PCDHGB2: variants seen among roughly 807,000 people sequenced by gnomAD.
PCDHGB2 encodes the protein protocadherin gamma-B2.
Under a neutral mutation model 59.3 loss-of-function variants are expected in PCDHGB2, and 55 were observed. The ratio of observed to expected loss-of-function variants is 0.93; its 90% CI spans 0.75 to 1.16. PCDHGB2 has a LOEUF of 1.16. PCDHGB2 is among the 50% of genes most tolerant of loss of function. The pLI is 0.00. For missense variants in PCDHGB2, 1,228 were observed against 1,198.5 expected (o/e 1.02, Z -0.36); for synonymous variants, 516 against 512.0 (o/e 1.01, Z -0.11).
intron 1 of PCDHGB2, among the ~76,000 whole-genome samples, chr5:141,462,538 C>G (rs565849689): frequency 1.3e-5 from 2 of 152,102 alleles, no homozygotes; most frequent in South Asian, 2.1e-4. Context: ...GTTCAGTGAT[C>G]TTTTCTTCTT....
chr5:141,493,052 T>G lies in PCDHGB2; in HGVS notation c.2422-1755T>G, dbSNP rs1362566525. 6.6e-6 allele frequency among the ~76,000 whole-genome samples: 1 copy of G among 152,104 alleles called. No individual in the cohort carries two copies. The highest frequency in any genetic ancestry group is 2.4e-5 in the African/African-American group (1 of 41,416). Reference sequence around the variant, plus strand: ...CTTATGTGTGAGGAAACTACAATAGTAAAAAACACAAGTTTCTCCAACTCC... The same window carrying G: ...CTTATGTGTGAGGAAACTACAATAGGAAAAAACACAAGTTTCTCCAACTCC... On this transcript the variant is annotated intron_variant, in intron 1 of 3. Coordinates refer to ENST00000522605, the MANE Select transcript of PCDHGB2 (RefSeq NM_018923.3). This position sits in a 1 kb window ranked among gnomAD's most constrained non-coding sequence, Gnocchi z 4.3.
intron 1 of PCDHGB2, chr5:141,382,864 C>G (rs775003646): frequency 1.3e-6 from 2 of 1,516,562 alleles, no homozygotes; most frequent in Non-Finnish European, 8.8e-7. Context: ...AAGCACTTCC[C>G]GAGATCGGCG....
intron 1 of PCDHGB2, among the ~76,000 whole-genome samples, chr5:141,449,103 A>G (rs1033077737): frequency 2.0e-5 from 3 of 152,206 alleles, no homozygotes; most frequent in African/African-American, 7.2e-5. Context: ...CATATGCAGT[A>G]TATCTTTGGG....
At chr5:141,372,515 G>A (rs1768826871) in intron 1 of PCDHGB2, 2 of 1,614,050 alleles carry the variant, frequency 1.2e-6, no homozygotes, top group Admixed American at 1.7e-5. Context: ...TCCTCGCGGT[G>A]ATTCTGGCAA....
intron 1 of PCDHGB2, among the ~76,000 whole-genome samples, chr5:141,406,686 T>G (rs918855962): frequency 1.3e-5 from 2 of 152,244 alleles, no homozygotes; most frequent in African/African-American, 4.8e-5. Flanking sequence ...TAGGACATTC[T>G]TCTTTTCTAT....
At chr5:141,459,606 T>G (rs1430790771) in intron 1 of PCDHGB2, among the ~76,000 whole-genome samples, 1 of 152,250 alleles carries the variant, frequency 6.6e-6, no homozygotes, top group Non-Finnish European at 1.5e-5. Context: ...GGGAAGTATA[T>G]GCTTAACTTT....
At chr5:141,473,236 A>G (rs1314160781) in intron 1 of PCDHGB2, among the ~76,000 whole-genome samples, 1 of 152,200 alleles carries the variant, frequency 6.6e-6, no homozygotes, top group Non-Finnish European at 1.5e-5. Flanking sequence ...GGATCCACAC[A>G]AGTGAATACA....
Position 141,511,015 on chromosome 5 carries a change from C to A in PCDHGB2, c.2638C>A (p.Pro880Thr). Residue 880 changes from proline (P) to threonine (T), a missense_variant, in exon 4 of 4, where the codon CCC becomes ACC. This residue lies in a region of PCDHGB2 where 433 missense variants were observed against 441.8 expected (regional missense o/e 0.98). Coordinates refer to ENST00000522605, the MANE Select transcript of PCDHGB2 (RefSeq NM_018923.3). ...GTMGLSARYG[P>T]QFTLQHVPDY... ...CATGGGATTGAGCGCCCGCTACGGA[C>A]CCCAGTTCACCCTGCAGCACGTGCC... 6.2e-7 allele frequency: 1 copy of A among 1,614,224 alleles called. No individual in the cohort carries two copies. The highest frequency in any genetic ancestry group is 8.5e-7 in the Non-Finnish European group (1 of 1,180,038).
In PCDHGB2 at chr5:141,483,413, G is replaced by A. The variant is rs112015754; in HGVS notation, c.2422-11394G>A. 5.9e-4 allele frequency among the ~76,000 whole-genome samples: 90 copies of A among 152,300 alleles called. 1 individual carries two copies. Among genetic ancestry groups the A allele is most frequent in the African/African-American group, 1.7e-3 (69 of 41,584 alleles). ...AAATGCTTGAACCAGCACAGTGGCA[G>A]TACAGATGGAGGGAGCTGACTACAA... On this transcript the variant is annotated intron_variant, in intron 1 of 3. Transcript: ENST00000522605.
intron 1 of PCDHGB2, chr5:141,479,478 G>T (rs760475025): frequency 2.6e-5 from 4 of 152,408 alleles, no homozygotes; most frequent in African/African-American, 9.6e-5. Context: ...TCTTGGGAGG[G>T]CAGGACCATC....
rs1227487225 is a variant in PCDHGB2, at chr5:141,491,275, G to C, written c.2422-3532G>C. The C allele has an allele frequency of 2.5e-6, 4 of 1,614,082 alleles. 1 individual carries two copies. In the South Asian group the frequency reaches 4.4e-5, roughly 18 times the overall value. On this transcript the variant is annotated intron_variant, in intron 1 of 3. Transcript: ENST00000522605. This position sits in a 1 kb window ranked among gnomAD's most constrained non-coding sequence, Gnocchi z 6.9. Reference sequence around the variant, plus strand: ...CCCTGAGGAAATGCCCAAATCCAGTGACTTCCTCATACACCCTCCTGAGCG... The same window carrying C: ...CCCTGAGGAAATGCCCAAATCCAGTCACTTCCTCATACACCCTCCTGAGCG...
intron 1 of PCDHGB2, chr5:141,379,057 T>C (rs974258347): frequency 2.0e-5 from 3 of 152,238 alleles, no homozygotes; most frequent in African/African-American, 7.2e-5. Flanking sequence ...TAGAATGGAT[T>C]GGCCACTTGT....
chr5:141,482,109 C>G (rs972542276), intron 1 of PCDHGB2, among the ~76,000 whole-genome samples: 2 of 149,582 alleles, frequency 1.3e-5, no homozygotes, highest in African/African-American at 2.5e-5. Context: ...AAAAAAATAT[C>G]TAGAGATGGG....
At position 141,400,963 on chromosome 5, in the gene PCDHGB2, ATC is replaced by A. The variant is rs563949563; in HGVS notation, c.2421+38411_2421+38412del. ...TTCACTGATTTCACTGGTAGTTTTC[ATC>A]TCTTTCTTATGTTCCTCATATATGC... is the stretch of plus-strand genomic sequence containing the variant. On this transcript the variant is annotated intron_variant, in intron 1 of 3. Coordinates refer to ENST00000522605, the MANE Select transcript of PCDHGB2 (RefSeq NM_018923.3). 3.8e-3 allele frequency among the ~76,000 whole-genome samples: 582 copies of A among 152,338 alleles called. 6 individuals carry two copies. Among genetic ancestry groups the A allele is most frequent in the Admixed American group, 0.011 (171 of 15,304 alleles).
At chr5:141,399,952 G>A in intron 1 of PCDHGB2, 1 of 1,612,186 alleles carries the variant, frequency 6.2e-7, no homozygotes, top group Non-Finnish European at 8.5e-7. Flanking sequence ...GCAGGCTAGC[G>A]AGCCCGGGCT....
intron 1 of PCDHGB2, among the ~76,000 whole-genome samples, chr5:141,368,655 A>G (rs761837441): frequency 1.3e-5 from 2 of 152,170 alleles, no homozygotes; most frequent in Non-Finnish European, 2.9e-5. Flanking sequence ...CAATGGAAAA[A>G]TATCTTTAAA....
chr5:141,505,597 T>C, intron 3 of PCDHGB2, 116 bp downstream of exon 3: 1 of 1,558,330 alleles, frequency 6.4e-7, no homozygotes, highest in Non-Finnish European at 8.7e-7. Context: ...TCCAGATCTT[T>C]CGGCAGGTCT....
chr5:141,441,370 C>A (rs1378574921), intron 1 of PCDHGB2: 1 of 152,672 alleles, frequency 6.5e-6, no homozygotes, highest in African/African-American at 2.4e-5. Flanking sequence ...GGGCCGTGGA[C>A]CAGGAACAGA....
intron 1 of PCDHGB2, chr5:141,422,797 G>A (rs1037091316): frequency 2.5e-6 from 4 of 1,614,244 alleles, no homozygotes; most frequent in Non-Finnish European, 3.4e-6. Context: ...CTTCGACTAT[G>A]AGCAGTTTCG....
Sources: allele counts gnomAD v4.1 joint callset (sites outside exome capture counted in the v4.1 genomes callset), GRCh38; gene constraint gnomAD v4.1.1; regional missense constraint gnomAD v4.1.1; non-coding constraint Gnocchi (gnomAD v3.1); transcripts MANE v1.5; gene names NCBI Gene and HGNC (gene_info 2026-07-23, HGNC 2026-07-21).